ADAMTS15: variants seen among roughly 807,000 people sequenced by gnomAD.
ADAMTS15 encodes the protein A disintegrin and metalloproteinase with thrombospondin motifs 15.
ADAMTS15 carries 35 observed loss-of-function variants against 79.1 expected under a neutral mutation model. The ratio of observed to expected loss-of-function variants is 0.44; its 90% CI spans 0.34 to 0.59. The LOEUF (loss-of-function observed/expected upper bound fraction) is 0.59. ADAMTS15 is among the 20% of genes least tolerant of loss of function. ADAMTS15 has a pLI of 0.02. For missense variants in ADAMTS15, 1,324 were observed against 1,318.7 expected (o/e 1.00, Z -0.06); for synonymous variants, 616 against 567.3 (o/e 1.09, Z -1.22).
intron 1 of ADAMTS15, chr11:130,450,518 A>G: frequency 2.4e-6 from 2 of 821,350 alleles, no homozygotes; most frequent in Non-Finnish European, 2.9e-6. Context: ...GGCCAGACTC[A>G]AGTACTGCGA....
intron 5 of ADAMTS15, among the ~76,000 whole-genome samples, chr11:130,469,658 G>C (rs1207036329): frequency 1.3e-5 from 2 of 152,348 alleles, no homozygotes; most frequent in East Asian, 3.9e-4. Flanking sequence ...GAGAGGTGCA[G>C]ATTCTTCTTG....
Position 130,472,565 on chromosome 11 carries a change from T to G in ADAMTS15, c.2079-482T>G, listed in dbSNP as rs912947402. ...CTGGCTTGCTTAAAATTGCCAGGAG[T>G]TGGCGTGTGAGCCAGGCTGGATCTG... On this transcript the variant is annotated intron_variant, in intron 7 of 7. Transcript: ENST00000299164. The surrounding 1 kb of genome is among the most constrained non-coding windows in gnomAD (Gnocchi z 4.7). Among the ~76,000 whole-genome samples, 1 of 151,984 alleles carries G rather than the reference T, an allele frequency of 6.6e-6. No homozygotes were observed. Among genetic ancestry groups the G allele is most frequent in the Non-Finnish European group, 1.5e-5 (1 of 67,970 alleles).
In ADAMTS15 at chr11:130,461,160, A is replaced by G. The variant is rs578006904; in HGVS notation, c.958-329A>G. ...GGGAGTCACTGTTTTTCTGGTCTGG[A>G]GGGCCGTCTCTCTATAAAGTAGTGG... On this transcript the variant is annotated intron_variant, in intron 1 of 7. Transcript: ENST00000299164. Among the ~76,000 whole-genome samples, 9 of 152,192 alleles carry G rather than the reference A, an allele frequency of 5.9e-5. No homozygotes were observed. In the South Asian group the frequency reaches 1.9e-3, roughly 32 times the overall value.
chr11:130,459,899 G>C (rs539692056), intron 1 of ADAMTS15, among the ~76,000 whole-genome samples: 10 of 152,324 alleles, frequency 6.6e-5, no homozygotes, highest in African/African-American at 2.4e-4. Flanking sequence ...TTCGCCCCTT[G>C]CCAGCATGTA....
Position 130,454,123 on chromosome 11 carries a change from T to G in ADAMTS15, c.957+4193T>G, listed in dbSNP as rs577010959. Among the ~76,000 whole-genome samples, 3 of 151,862 alleles carry G rather than the reference T, an allele frequency of 2.0e-5. No homozygotes were observed. In the East Asian group the frequency reaches 5.8e-4, roughly 29 times the overall value. On this transcript the variant is annotated intron_variant, in intron 1 of 7. Coordinates refer to ENST00000299164, the MANE Select transcript of ADAMTS15 (RefSeq NM_139055.4). ...GTGAGCCACTGCGCCTGGTCTATTT[T>G]GTTTGTTTGTTTTTTTCCTGTTGCC...
intron 4 of ADAMTS15, among the ~76,000 whole-genome samples, chr11:130,466,739 C>A (rs1004352430): frequency 1.4e-4 from 21 of 152,196 alleles, no homozygotes; most frequent in African/African-American, 5.1e-4. Context: ...CTGCTCAGCA[C>A]CCTTTAGGGG....
At chr11:130,461,998 A>G (rs1412456754) in intron 2 of ADAMTS15, 89 bp from the exon 3 acceptor site, 16 of 1,437,462 alleles carry the variant, frequency 1.1e-5, no homozygotes, top group Non-Finnish European at 1.4e-5. Flanking sequence ...AACCTCTGAC[A>G]TGGGCTTTCT....
Position 130,470,197 on chromosome 11 carries a change from T to TAC in ADAMTS15, c.1721-722_1721-721insCA. Among the ~76,000 whole-genome samples the TAC allele has an allele frequency of 1.2e-4, 8 of 64,706 alleles. 1 individual carries two copies. Among genetic ancestry groups the TAC allele is most frequent in the African/African-American group, 6.1e-4 (8 of 13,146 alleles). The allele number at this position is 64,706 out of a possible 152,430, so 42.4% of individuals were successfully genotyped here. A position where few individuals can be genotyped will look rare whatever the true frequency, so the allele number is the denominator to read the frequency against. The stretch of plus-strand genomic sequence containing the variant: ...ATATATATATGTGTGTATATATATA[T>TAC]ATATATATATATGTATATATATATA... On this transcript the variant is annotated intron_variant, in intron 5 of 7. Transcript: ENST00000299164.
chr11:130,470,168 A>ATGTATGTG (rs1555081039), intron 5 of ADAMTS15, among the ~76,000 whole-genome samples: 5 of 58,672 alleles, frequency 8.5e-5, no homozygotes, highest in Admixed American at 1.6e-4. Context: ...ATATATATAT[A>ATGTATGTG]TATATATATA....
chr11:130,462,175 C>T lies in ADAMTS15; in HGVS notation c.1179C>T (p.Thr393=). ...KLRANHMMSP[T]LIQIDRANPW... ...GAGCCAACCACATGATGTCCCCGAC[C>T]CTCATCCAGATCGACCGTGCCAACC... Residue 393 remains threonine, a synonymous_variant, in exon 3 of 8, where the codon ACC becomes ACT. Transcript: ENST00000299164. The surrounding 1 kb of genome is among the most constrained non-coding windows in gnomAD (Gnocchi z 4.3). 1 of 1,614,180 alleles carries T rather than the reference C, an allele frequency of 6.2e-7. No homozygotes were observed. Among genetic ancestry groups the T allele is most frequent in the African/African-American group, 1.3e-5 (1 of 75,036 alleles).
At chr11:130,451,747 G>C (rs900970872) in intron 1 of ADAMTS15, among the ~76,000 whole-genome samples, 4 of 152,180 alleles carry the variant, frequency 2.6e-5, no homozygotes, top group African/African-American at 9.6e-5. Context: ...CCTAGGAGAA[G>C]AACTCCTGCT....
chr11:130,471,516 A>G, intron 7 of ADAMTS15, 133 bp downstream of exon 7: 1 of 944,318 alleles, frequency 1.1e-6, no homozygotes, highest in Non-Finnish European at 1.5e-6. Context: ...GAGGCCACCC[A>G]TACCCTTCTA....
At chr11:130,465,234 A>AC (rs1419862666) in intron 4 of ADAMTS15, among the ~76,000 whole-genome samples, 2 of 151,908 alleles carry the variant, frequency 1.3e-5, no homozygotes, top group Non-Finnish European at 2.9e-5. Flanking sequence ...GGGAACTTCC[A>AC]CCCACCTCCC....
intron 1 of ADAMTS15, 29 bp from the exon 2 acceptor site, chr11:130,461,460 C>A (rs1357226084): frequency 1.2e-6 from 2 of 1,613,652 alleles, no homozygotes; most frequent in Non-Finnish European, 1.7e-6. Flanking sequence ...TAACTTCGGG[C>A]TGGCTTCTGC....
At chr11:130,464,898 C>T (rs924716740) in intron 4 of ADAMTS15, among the ~76,000 whole-genome samples, 1 of 149,998 alleles carries the variant, frequency 6.7e-6, no homozygotes, top group African/African-American at 2.5e-5. Context: ...ACACGGGAGG[C>T]AGAGGTTGCA....
rs748086985 is a variant in ADAMTS15, at chr11:130,449,782, T to C, written c.809T>C (p.Leu270Pro). ...ATCAACATCGTTGTGGTCAAGGTGCTGCTTCTTAGAGATCGTGACTCCGGG... is the reference window on the plus strand; with the variant it reads ...ATCAACATCGTTGTGGTCAAGGTGCCGCTTCTTAGAGATCGTGACTCCGGG... ...NPINIVVVKVLLLRDRDSGPK... is the reference protein window; with the variant it reads ...NPINIVVVKVPLLRDRDSGPK... The change falls in exon 1 of 8, where the codon CTG (leucine) becomes CCG (proline). Residue 270 changes from leucine (L) to proline (P), a missense_variant. Transcript: ENST00000299164. The surrounding 1 kb of genome is among the most constrained non-coding windows in gnomAD (Gnocchi z 7.8). 4 of 1,612,442 alleles carry C rather than the reference T, an allele frequency of 2.5e-6. No individual in the cohort carries two copies. The South Asian group carries it at 4.4e-5, about 18-fold the overall frequency.
At chr11:130,461,432 C>T (rs1938195890) in intron 1 of ADAMTS15, 57 bp from the exon 2 acceptor site, 3 of 1,611,496 alleles carry the variant, frequency 1.9e-6, no homozygotes, top group Admixed American at 1.7e-5. Context: ...CCCTTCAGGT[C>T]CCTTCTGTCA....
intron 4 of ADAMTS15, among the ~76,000 whole-genome samples, chr11:130,463,696 A>G (rs1938248936): frequency 6.6e-6 from 1 of 152,228 alleles, no homozygotes; most frequent in Non-Finnish European, 1.5e-5. Context: ...TACATGTCTA[A>G]TTAAACCTTC....
Position 130,470,996 on chromosome 11 carries a change from C to A in ADAMTS15, c.1797C>A (p.Leu599=). 2 of 1,613,880 alleles carry A rather than the reference C, an allele frequency of 1.2e-6. No individual in the cohort carries two copies. The highest frequency in any genetic ancestry group is 1.7e-6 in the Non-Finnish European group (2 of 1,180,042). Residue 599 remains leucine, a synonymous_variant, in exon 6 of 8, where the codon CTC becomes CTA. Coordinates refer to ENST00000299164, the MANE Select transcript of ADAMTS15 (RefSeq NM_139055.4). The stretch of plus-strand genomic sequence containing the variant: ...ACCACAGCACCAACCGGCTCACTCT[C>A]GCCGTGGCATGGGTGCCCAAGTACT... ...GYNHSTNRLT[L]AVAWVPKYSG...
Sources: gnomAD v4.1 joint callset for allele counts (sites outside exome capture counted in the v4.1 genomes callset) on GRCh38, gnomAD v4.1.1 for gene constraint, Gnocchi (gnomAD v3.1) non-coding constraint, MANE v1.5 for transcripts, NCBI Gene and HGNC (gene_info 2026-07-23, HGNC 2026-07-21) for gene names.